KLRF1: variants seen among roughly 807,000 people sequenced by gnomAD.
KLRF1 encodes killer cell lectin like receptor F1, also known as killer cell lectin-like receptor subfamily F member 1.
A neutral mutation model predicts 30.7 loss-of-function variants in KLRF1; 27 were observed. The observed-to-expected ratio is 0.88, with a 90% CI of 0.65 to 1.21. The LOEUF is 1.21. KLRF1 is among the 50% of genes most tolerant of loss of function. The probability of loss-of-function intolerance (pLI) is 0.00; values close to 1 mark genes in which losing one functional copy is unlikely to be tolerated. For missense variants in KLRF1, 246 were observed against 259.3 expected, an observed-to-expected ratio of 0.95 and a Z score of 0.35; for synonymous variants, 92 against 89.3, an observed-to-expected ratio of 1.03 and a Z score of -0.17.
At chr12:9,836,278 T>G (rs1867574620) in intron 3 of KLRF1, among the ~76,000 whole-genome samples, 1 of 152,080 alleles carries the variant, frequency 6.6e-6, no homozygotes, top group South Asian at 2.1e-4. Flanking sequence ...CCCCAAAAAC[T>G]AGTCATCCCT....
intron 2 of KLRF1, 33 bp downstream of exon 2, chr12:9,832,447 A>G (rs185965805): frequency 1.6e-5 from 19 of 1,159,360 alleles, no homozygotes; most frequent in Non-Finnish European, 2.2e-5. Flanking sequence ...AAATAAAAAT[A>G]TGAAAGATGT....
At chr12:9,813,605 T>C in the KLRF1 span, among the ~76,000 whole-genome samples, 1 of 151,482 alleles carries the variant, frequency 6.6e-6, no homozygotes. Flanking sequence ...CCCTCAGTAC[T>C]TTCCTCCACA....
chr12:9,832,716 C>G (rs1269504107), intron 2 of KLRF1, among the ~76,000 whole-genome samples: 1 of 150,870 alleles, frequency 6.6e-6, no homozygotes, highest in Non-Finnish European at 1.5e-5. Context: ...GTATTTGAAA[C>G]AGTTTTTCTG....
intron 3 of KLRF1, among the ~76,000 whole-genome samples, chr12:9,837,795 G>C (rs979343855): frequency 6.6e-6 from 1 of 152,084 alleles, no homozygotes. Context: ...AGAGTCCATA[G>C]GTGCTCTGGA....
At chr12:9,809,134 A>T in the KLRF1 span, among the ~76,000 whole-genome samples, 1 of 152,132 alleles carries the variant, frequency 6.6e-6, no homozygotes, top group Non-Finnish European at 1.5e-5. Context: ...GAATTTTTTA[A>T]GTGTATTAAA....
chr12:9,832,604 C>T (rs1173199852), intron 2 of KLRF1, among the ~76,000 whole-genome samples, 190 bp downstream of exon 2: 1 of 151,768 alleles, frequency 6.6e-6, no homozygotes, highest in Non-Finnish European at 1.5e-5. Context: ...AGGTAAGTAT[C>T]TTGCCCTCAA....
chr12:9,822,956 CA>C (rs1325805108), upstream of KLRF1, among the ~76,000 whole-genome samples: 1 of 152,064 alleles, frequency 6.6e-6, no homozygotes, highest in Admixed American at 6.5e-5. Context: ...CAGGAGCACC[CA>C]AATTCATAAA....
upstream of KLRF1, among the ~76,000 whole-genome samples, chr12:9,826,058 T>G (rs1436407087): frequency 2.6e-5 from 4 of 152,300 alleles, no homozygotes; most frequent in East Asian, 7.7e-4. Context: ...TTTCTGATAA[T>G]TTGTCAAATA....
the KLRF1 span, among the ~76,000 whole-genome samples, chr12:9,808,332 A>G: frequency 6.6e-6 from 1 of 152,126 alleles, no homozygotes; most frequent in Non-Finnish European, 1.5e-5. Flanking sequence ...TTGGTCTAAA[A>G]TAAATCTCAC....
At chr12:9,835,194 GCATGTACCTGTC>G (rs1867547928) in intron 3 of KLRF1, among the ~76,000 whole-genome samples, 1 of 152,102 alleles carries the variant, frequency 6.6e-6, no homozygotes, top group Non-Finnish European at 1.5e-5. Flanking sequence ...AAACTAGTGT[GCATGTACCTGTC>G]CAATTAGCAG....
chr12:9,834,082 G>C (rs758778798), intron 3 of KLRF1, among the ~76,000 whole-genome samples: 4 of 151,724 alleles, frequency 2.6e-5, no homozygotes, highest in South Asian at 4.2e-4. Context: ...AGGCAGGAGT[G>C]GGGGTCACAA....
At chr12:9,832,260 G>A (rs1867445544) in intron 1 of KLRF1, 56 bp from the exon 2 acceptor site, 2 of 933,440 alleles carry the variant, frequency 2.1e-6, no homozygotes, top group Non-Finnish European at 3.5e-6. Flanking sequence ...AATTGCTATT[G>A]TATTACTTCC....
chr12:9,810,430 C>G, the KLRF1 span, among the ~76,000 whole-genome samples: 49 of 150,768 alleles, frequency 3.3e-4, no homozygotes, highest in African/African-American at 1.1e-3. Flanking sequence ...AGGTCTGATT[C>G]ACAAACTTAA....
At chr12:9,809,167 A>G in the KLRF1 span, among the ~76,000 whole-genome samples, 1 of 152,178 alleles carries the variant, frequency 6.6e-6, no homozygotes, top group Non-Finnish European at 1.5e-5. Flanking sequence ...GAAGTTAACA[A>G]GATGGGAAGA....
chr12:9,808,919 G>A, the KLRF1 span, among the ~76,000 whole-genome samples: 15,791 of 152,050 alleles, frequency 0.1, 1,046 homozygotes, highest in East Asian at 0.37. Context: ...CCTCAGGTTA[G>A]GTGCCATTAG....
chr12:9,844,297 T>C (rs368876311), intron 5 of KLRF1, 121 bp from the exon 6 acceptor site: 2 of 587,972 alleles, frequency 3.4e-6, no homozygotes, highest in Non-Finnish European at 6.0e-6. Flanking sequence ...TGAATCCAAG[T>C]ATGTAAAAAT....
the KLRF1 span, among the ~76,000 whole-genome samples, chr12:9,819,397 A>G: frequency 2.0e-5 from 3 of 152,154 alleles, no homozygotes; most frequent in African/African-American, 7.2e-5. Context: ...ACCTCCCCTG[A>G]GATGAATCTC....
chr12:9,813,527 A>T, the KLRF1 span, among the ~76,000 whole-genome samples: 1 of 152,066 alleles, frequency 6.6e-6, no homozygotes, highest in African/African-American at 2.4e-5. Context: ...CTCTTTTCAC[A>T]CATTTCATGA....
At chr12:9,823,269 A>G (rs1867247564), upstream of KLRF1, among the ~76,000 whole-genome samples, 1 of 151,906 alleles carries the variant, frequency 6.6e-6, no homozygotes, top group African/African-American at 2.4e-5. Flanking sequence ...CAAAAAAAGC[A>G]AAATCATGCC....
Sources: allele counts gnomAD v4.1 joint callset (sites outside exome capture counted in the v4.1 genomes callset), GRCh38; gene constraint gnomAD v4.1.1; transcripts MANE v1.5; gene names NCBI Gene and HGNC (gene_info 2026-07-23, HGNC 2026-07-21).